The following JAKMIP1 variants were observed in gnomAD, a reference collection of about 807,000 sequenced individuals.
The protein encoded by JAKMIP1 is janus kinase and microtubule interacting protein 1.
Under a neutral mutation model 113.0 loss-of-function variants are expected in JAKMIP1, and 33 were observed. That is an observed-to-expected ratio of 0.29 (90% CI 0.22 to 0.39). The LOEUF (loss-of-function observed/expected upper bound fraction) is 0.39. Ranked by LOEUF, JAKMIP1 falls within the 10% of genes least tolerant of loss-of-function variation. JAKMIP1 has a pLI of 1.00. For synonymous variants in JAKMIP1, 480 were observed against 459.9 expected, an observed-to-expected ratio of 1.04 and a Z score of -0.56; for missense variants, 813 against 1,080.5, an observed-to-expected ratio of 0.75 and a Z score of 3.47.
chr4:6,137,682 T>C lies in JAKMIP1; in HGVS notation c.-147-24685A>G, dbSNP rs1163353370. Among the ~76,000 whole-genome samples the C allele has an allele frequency of 1.3e-5, 2 of 152,222 alleles. No individual in the cohort carries two copies. The highest frequency in any genetic ancestry group is 2.9e-5 in the Non-Finnish European group (2 of 68,042). ...GCGGAGGCTAAAGAGCCACAAACCA[T>C]ATCTCTGAGACTCCCTTGGAGCTAG... On this transcript the variant is annotated intron_variant, in intron 1 of 20. Transcript: ENST00000409021. The surrounding 1 kb of genome is among the most constrained non-coding windows in gnomAD (Gnocchi z 4.5).
rs1037652790 is a variant in JAKMIP1, at chr4:6,042,868, G to T, written c.2029-641C>A. ...GAAAGCAGGGTTCATGCCAGGACATGAGGGCGCAGGCACGGAGAGTACGGG... is the reference window on the plus strand; with the variant it reads ...GAAAGCAGGGTTCATGCCAGGACATTAGGGCGCAGGCACGGAGAGTACGGG... On this transcript the variant is annotated intron_variant, in intron 16 of 20. Transcript: ENST00000409021. The surrounding 1 kb of genome is among the most constrained non-coding windows in gnomAD (Gnocchi z 5.2). 4.6e-5 allele frequency among the ~76,000 whole-genome samples: 7 copies of T among 152,058 alleles called. No homozygotes were observed. Among genetic ancestry groups the T allele is most frequent in the African/African-American group, 1.7e-4 (7 of 41,392 alleles).
At position 6,142,744 on chromosome 4, in the gene JAKMIP1, G is replaced by A. The variant is rs564489999; in HGVS notation, c.-147-29747C>T. On this transcript the variant is annotated intron_variant, in intron 1 of 20. Coordinates refer to ENST00000409021, the MANE Select transcript of JAKMIP1 (RefSeq NM_001099433.2). This position sits in a 1 kb window ranked among gnomAD's most constrained non-coding sequence, Gnocchi z 5.5. Reference sequence around the variant, plus strand: ...GGTGCTCTGGCCCCGGGGCCTGGCCGCAGGCAGAGATCAGTTCATGAAGGC... The same window carrying A: ...GGTGCTCTGGCCCCGGGGCCTGGCCACAGGCAGAGATCAGTTCATGAAGGC... Among the ~76,000 whole-genome samples the A allele has an allele frequency of 2.6e-5, 4 of 152,326 alleles. No homozygotes were observed. The highest frequency in any genetic ancestry group is 4.1e-4 in the South Asian group (2 of 4,826).
In JAKMIP1 at chr4:6,140,548, G is replaced by A. The variant is rs1719986309; in HGVS notation, c.-147-27551C>T. 6.6e-6 allele frequency among the ~76,000 whole-genome samples: 1 copy of A among 152,092 alleles called. No homozygotes were observed. Among genetic ancestry groups the A allele is most frequent in the South Asian group, 2.1e-4 (1 of 4,822 alleles). ...GCTCGGGTCTTTCTGCAGGGTCAGA[G>A]GGAAGTCGGCCCGCTAGGTGACAGT... On this transcript the variant is annotated intron_variant, in intron 1 of 20. Coordinates refer to ENST00000409021, the MANE Select transcript of JAKMIP1 (RefSeq NM_001099433.2). The surrounding 1 kb of genome is among the most constrained non-coding windows in gnomAD (Gnocchi z 9.4).
intron 1 of JAKMIP1, among the ~76,000 whole-genome samples, chr4:6,120,338 T>C (rs1281331804): frequency 6.6e-6 from 1 of 152,152 alleles, no homozygotes; most frequent in Non-Finnish European, 1.5e-5. Context: ...GGCGCAGTAA[T>C]ATGCTTCCTG....
chr4:6,121,778 A>G (rs1414930284), intron 1 of JAKMIP1, among the ~76,000 whole-genome samples: 3 of 152,240 alleles, frequency 2.0e-5, no homozygotes, highest in Admixed American at 6.5e-5. Context: ...AAATTTTCCA[A>G]TTTGTATACA....
At chr4:6,032,801 G>A (rs1712909292) in intron 19 of JAKMIP1, among the ~76,000 whole-genome samples, 1 of 152,218 alleles carries the variant, frequency 6.6e-6, no homozygotes, top group South Asian at 2.1e-4. Flanking sequence ...TCGAAGGTCA[G>A]ACTAAGCAAC....
At chr4:6,102,012 A>T (rs1713127616) in intron 3 of JAKMIP1, among the ~76,000 whole-genome samples, 1 of 152,170 alleles carries the variant, frequency 6.6e-6, no homozygotes, top group South Asian at 2.1e-4. Context: ...CTAATCGATG[A>T]AAACGATATC....
chr4:6,041,174 G>C (rs1042631800), intron 17 of JAKMIP1, among the ~76,000 whole-genome samples: 3 of 152,082 alleles, frequency 2.0e-5, no homozygotes, highest in African/African-American at 7.2e-5. Flanking sequence ...CACATACCTG[G>C]GTCACTGTCT....
rs1484152111 is a variant in JAKMIP1, at chr4:6,139,368, A to G, written c.-147-26371T>C. On this transcript the variant is annotated intron_variant, in intron 1 of 20. Coordinates refer to ENST00000409021, the MANE Select transcript of JAKMIP1 (RefSeq NM_001099433.2). The surrounding 1 kb of genome is among the most constrained non-coding windows in gnomAD (Gnocchi z 5.2). ...ATACGCTGAGGTCCTAACCCCCAGT[A>G]CCCTCAGAGGTGGTCTTATGGGAAA... 1.3e-5 allele frequency among the ~76,000 whole-genome samples: 2 copies of G among 152,172 alleles called. No homozygotes were observed. Among genetic ancestry groups the G allele is most frequent in the African/African-American group, 4.8e-5 (2 of 41,414 alleles).
At chr4:6,085,669 C>T (rs773066360) in intron 3 of JAKMIP1, 40 bp from the exon 4 acceptor site, 1 of 1,581,130 alleles carries the variant, frequency 6.3e-7, no homozygotes, top group Non-Finnish European at 8.7e-7. Context: ...CCTAGGGGCT[C>T]ATGACCAAGG....
In JAKMIP1 at chr4:6,085,065, G is replaced by A. The variant is rs191732976; in HGVS notation, c.835-100C>T. On this transcript the variant is annotated intron_variant, in intron 4 of 20. Coordinates refer to ENST00000409021, the MANE Select transcript of JAKMIP1 (RefSeq NM_001099433.2). ...AGAAAATTCACATGACATAATGGGT[G>A]AGATCCTTATTCAGGGGCCCACATG... The A allele has an allele frequency of 1.9e-5, 27 of 1,387,116 alleles. No individual in the cohort carries two copies. In the East Asian group the frequency reaches 2.9e-4, roughly 15 times the overall value. The allele number at this position is 1,387,116 out of a possible 1,614,324, so 85.9% of individuals were successfully genotyped here. A position where few individuals can be genotyped will look rare whatever the true frequency, so the allele number is the denominator to read the frequency against.
chr4:6,145,269 T>C (rs1720698641), intron 1 of JAKMIP1, among the ~76,000 whole-genome samples: 1 of 152,132 alleles, frequency 6.6e-6, no homozygotes, highest in Non-Finnish European at 1.5e-5. Flanking sequence ...TCTCCTTCAA[T>C]ATTCACAAGA....
At position 6,097,504 on chromosome 4, in the gene JAKMIP1, G is replaced by A. The variant is rs1712017496; in HGVS notation, c.624+7969C>T. ...TTGGGTATGCTAAATACACTGCGTT[G>A]TACACCTGCATTTTGACTGCGATCT... On this transcript the variant is annotated intron_variant, in intron 3 of 20. Transcript: ENST00000409021. This position sits in a 1 kb window ranked among gnomAD's most constrained non-coding sequence, Gnocchi z 4.3. 6.6e-6 allele frequency among the ~76,000 whole-genome samples: 1 copy of A among 152,142 alleles called. No homozygotes were observed. Among genetic ancestry groups the A allele is most frequent in the South Asian group, 2.1e-4 (1 of 4,820 alleles).
At position 6,112,871 on chromosome 4, in the gene JAKMIP1, G is replaced by A. The variant is rs1270901899; in HGVS notation, c.-21C>T. 6 of 1,611,834 alleles carry A rather than the reference G, an allele frequency of 3.7e-6. No individual in the cohort carries two copies. Among genetic ancestry groups the A allele is most frequent in the African/African-American group, 2.7e-5 (2 of 74,938 alleles). On this transcript the variant is annotated 5_prime_UTR_variant, in exon 2 of 21. Coordinates refer to ENST00000409021, the MANE Select transcript of JAKMIP1 (RefSeq NM_001099433.2). ...GACATGCTTCCCCTTGGGTCAGAGT[G>A]CTGAGATCCTGCGGTCCACACCTGT... is the stretch of plus-strand genomic sequence containing the variant.
chr4:6,114,327 C>T (rs1047220485), intron 1 of JAKMIP1, among the ~76,000 whole-genome samples: 5 of 152,158 alleles, frequency 3.3e-5, no homozygotes, highest in Non-Finnish European at 7.3e-5. Flanking sequence ...ACTCCAACAG[C>T]GGGCAGCCCC....
At chr4:6,072,678 A>AC (rs1719134292) in intron 8 of JAKMIP1, among the ~76,000 whole-genome samples, 1 of 152,230 alleles carries the variant, frequency 6.6e-6, no homozygotes, top group South Asian at 2.1e-4. Context: ...ATCCCAGGGC[A>AC]CCATCCAGCC....
intron 1 of JAKMIP1, among the ~76,000 whole-genome samples, chr4:6,117,991 C>T (rs1378873888): frequency 6.6e-6 from 1 of 152,078 alleles, no homozygotes; most frequent in African/African-American, 2.4e-5. Context: ...GTGTAGTTAA[C>T]GCAATTATTA....
intron 1 of JAKMIP1, among the ~76,000 whole-genome samples, chr4:6,170,339 AC>A (rs1456123133): frequency 5.9e-5 from 8 of 134,480 alleles, no homozygotes; most frequent in African/African-American, 1.8e-4. Context: ...CACTCTCCCC[AC>A]CCTTCTCACC....
intron 3 of JAKMIP1, among the ~76,000 whole-genome samples, chr4:6,103,686 T>C (rs1713447250): frequency 1.3e-5 from 2 of 152,352 alleles, no homozygotes; most frequent in Middle Eastern, 3.4e-3. Context: ...TTAGGAGCTT[T>C]AGGACTACTT....
Sources: gnomAD v4.1 joint callset for allele counts (sites outside exome capture counted in the v4.1 genomes callset) on GRCh38, gnomAD v4.1.1 for gene constraint, Gnocchi (gnomAD v3.1) non-coding constraint, MANE v1.5 for transcripts, NCBI Gene and HGNC (gene_info 2026-07-23, HGNC 2026-07-21) for gene names.